DGKB: variants seen among roughly 807,000 people sequenced by gnomAD.
The protein encoded by DGKB is 90 kDa diacylglycerol kinase.
Under a neutral mutation model 114.3 loss-of-function variants are expected in DGKB, and 67 were observed. The observed-to-expected ratio is 0.59, with a 90% confidence interval of 0.48 to 0.72. The LOEUF (loss-of-function observed/expected upper bound fraction) is 0.72, where lower values mean the gene tolerates loss of function less well. Ranked by LOEUF, DGKB falls within the 30% of genes least tolerant of loss-of-function variation. The pLI is 0.00. For missense variants in DGKB, 907 were observed against 975.2 expected (o/e 0.93, Z 0.93); for synonymous variants, 398 against 323.1 (o/e 1.23, Z -2.49).
intron 23 of DGKB, among the ~76,000 whole-genome samples, chr7:14,236,051 T>C (rs1190269145): frequency 6.6e-6 from 1 of 152,092 alleles, no homozygotes; most frequent in Non-Finnish European, 1.5e-5. Flanking sequence ...CTGGTTCACT[T>C]ATTTTCCTTT....
chr7:14,511,257 T>G (rs1787937424), intron 20 of DGKB, among the ~76,000 whole-genome samples: 1 of 152,234 alleles, frequency 6.6e-6, no homozygotes, highest in Non-Finnish European at 1.5e-5. Context: ...TGTTGCTTAG[T>G]GTACACCTTC....
rs370621339 is a variant in DGKB at position 14,924,513 on chromosome 7, T to C, written c.-188+50183A>G. On this transcript the variant is annotated intron_variant, in intron 1 of 4. Transcript: ENST00000437998. ...TTAATCAGATATATCCATTAGACTC[T>C]TTCTCACTCTACAATCCTGAAACTC... Among the ~76,000 whole-genome samples, 38 of 152,298 alleles carry C rather than the reference T, an allele frequency of 2.5e-4. No individual in the cohort carries two copies. In the South Asian group the frequency reaches 7.5e-3, roughly 30 times the overall value.
intron 20 of DGKB, among the ~76,000 whole-genome samples, chr7:14,500,237 A>G (rs962733172): frequency 5.9e-5 from 9 of 151,942 alleles, no homozygotes; most frequent in African/African-American, 2.2e-4. Context: ...TTGCCCTTTA[A>G]CTGTATTGAT....
At chr7:14,716,210 C>A (rs895488863) in intron 6 of DGKB, among the ~76,000 whole-genome samples, 1 of 152,150 alleles carries the variant, frequency 6.6e-6, no homozygotes, top group African/African-American at 2.4e-5. Context: ...TAAGCCAGTG[C>A]TTCTCAAAAT....
rs767399073 is a variant in DGKB at position 14,694,047 on chromosome 7, G to A, written c.711+28C>T. 2.9e-5 allele frequency: 45 copies of A among 1,559,826 alleles called. No individual in the cohort carries two copies. The African/African-American group carries it at 5.1e-4, about 18-fold the overall frequency. ...AGAGAGCCCCACTGACTCACCACCA[G>A]GCCACCCTCCTCTGTGGAAATGCTT... is the stretch of plus-strand genomic sequence containing the variant. On this transcript the variant is annotated intron_variant, in intron 9 of 25. Coordinates refer to ENST00000402815, the MANE Select transcript of DGKB (RefSeq NM_001350709.2).
intron 5 of DGKB, among the ~76,000 whole-genome samples, chr7:14,726,083 A>G (rs1242388123): frequency 1.3e-5 from 2 of 152,138 alleles, no homozygotes; most frequent in Non-Finnish European, 2.9e-5. Flanking sequence ...CAAGTTGCAC[A>G]GGTACGACTC....
intron 21 of DGKB, among the ~76,000 whole-genome samples, chr7:14,469,901 C>A (rs545658172): frequency 6.6e-6 from 1 of 151,638 alleles, no homozygotes; most frequent in Admixed American, 6.6e-5. Flanking sequence ...TAAATCGATG[C>A]ATCACAAATA....
chr7:14,796,783 A>G (rs553827929), intron 2 of DGKB, among the ~76,000 whole-genome samples: 1 of 152,246 alleles, frequency 6.6e-6, no homozygotes, highest in African/African-American at 2.4e-5. Context: ...TTAACCAGAG[A>G]GTCCTTCTCC....
intron 21 of DGKB, among the ~76,000 whole-genome samples, chr7:14,405,209 T>C (rs1198792569): frequency 6.6e-6 from 1 of 151,956 alleles, no homozygotes; most frequent in Non-Finnish European, 1.5e-5. Context: ...GAAGAATGGG[T>C]AATATTCTTC....
chr7:14,667,632 T>C (rs1010325987), intron 13 of DGKB, among the ~76,000 whole-genome samples: 1 of 152,050 alleles, frequency 6.6e-6, no homozygotes, highest in African/African-American at 2.4e-5. Context: ...TTGCTTTAAA[T>C]GAAGGGCTAC....
intron 23 of DGKB, among the ~76,000 whole-genome samples, chr7:14,276,802 AAAGG>A (rs1223907093): frequency 6.6e-6 from 1 of 151,934 alleles, no homozygotes; most frequent in Admixed American, 6.6e-5. Flanking sequence ...ATTTACAGAT[AAAGG>A]AAGAAAACAT....
intron 23 of DGKB, among the ~76,000 whole-genome samples, chr7:14,221,309 G>A (rs1346119184): frequency 6.6e-6 from 1 of 151,024 alleles, no homozygotes; most frequent in African/African-American, 2.4e-5. Flanking sequence ...TATTAGTTGT[G>A]GGTTTTACAT....
intron 2 of DGKB, among the ~76,000 whole-genome samples, chr7:14,767,930 T>A (rs1836713339): frequency 6.6e-6 from 1 of 151,962 alleles, no homozygotes; most frequent in Non-Finnish European, 1.5e-5. Context: ...TATTCTCTAG[T>A]CACAACACTA....
chr7:14,519,538 G>A (rs935455948), intron 20 of DGKB, among the ~76,000 whole-genome samples: 1 of 151,932 alleles, frequency 6.6e-6, no homozygotes, highest in Admixed American at 6.6e-5. Flanking sequence ...GAATAATGTC[G>A]ATATGAATAT....
At chr7:14,958,024 G>A (rs1006206881) in intron 1 of DGKB, among the ~76,000 whole-genome samples, 1 of 152,002 alleles carries the variant, frequency 6.6e-6, no homozygotes, top group Non-Finnish European at 1.5e-5. Flanking sequence ...TCAGTTTAGG[G>A]TAGAATCTGT....
rs200533552 is a variant in DGKB, at chr7:14,836,575, T to C, written c.70+4619A>G. Among the ~76,000 whole-genome samples, 6 of 152,306 alleles carry C rather than the reference T, an allele frequency of 3.9e-5. No individual in the cohort carries two copies. The East Asian group carries it at 9.6e-4, about 24-fold the overall frequency. The stretch of plus-strand genomic sequence containing the variant: ...ACAGCAGAAAGCACCGACAGACCAA[T>C]AATGTGATAAGCTTAATTCTCTAAA... On this transcript the variant is annotated intron_variant, in intron 2 of 25. Coordinates refer to ENST00000402815, the MANE Select transcript of DGKB (RefSeq NM_001350709.2).
intron 17 of DGKB, among the ~76,000 whole-genome samples, chr7:14,591,332 C>A (rs1329451679): frequency 6.6e-6 from 1 of 152,120 alleles, no homozygotes. Flanking sequence ...GCAATGAAAT[C>A]ATGCTTGGGT....
intron 1 of DGKB, among the ~76,000 whole-genome samples, chr7:14,843,006 G>C (rs956511131): frequency 2.6e-5 from 4 of 152,052 alleles, no homozygotes; most frequent in Non-Finnish European, 5.9e-5. Flanking sequence ...CCAGGTGTTT[G>C]AGACCAGCCT....
chr7:14,860,121 C>T (rs1287789375), intron 1 of DGKB, among the ~76,000 whole-genome samples: 1 of 152,096 alleles, frequency 6.6e-6, no homozygotes, highest in East Asian at 1.9e-4. Flanking sequence ...ATGATACACT[C>T]TAACAACAAT....
Sources: gnomAD v4.1 joint callset for allele counts (sites outside exome capture counted in the v4.1 genomes callset) on GRCh38, gnomAD v4.1.1 for gene constraint, MANE v1.5 for transcripts, NCBI Gene and HGNC (gene_info 2026-07-23, HGNC 2026-07-21) for gene names.